Variants in RABGEF1 observed in about 807,000 individuals in gnomAD.
RABGEF1 encodes the protein RAB guanine nucleotide exchange factor 1.
A neutral mutation model predicts 57.3 loss-of-function variants in RABGEF1; 26 were observed. That is an observed-to-expected ratio of 0.45 (90% CI 0.33 to 0.63). RABGEF1 has a LOEUF of 0.63. Among genes scored for constraint, RABGEF1 ranks in the 20% least tolerant of loss-of-function variants. The pLI is 0.02. For missense variants in RABGEF1, 464 were observed against 607.6 expected, an observed-to-expected ratio of 0.76 and a Z score of 2.48; for synonymous variants, 185 against 210.7, an observed-to-expected ratio of 0.88 and a Z score of 1.06.
At chr7:66,792,743 G>A (rs1441538584) in intron 4 of RABGEF1, among the ~76,000 whole-genome samples, 1 of 152,154 alleles carries the variant, frequency 6.6e-6, no homozygotes, top group Non-Finnish European at 1.5e-5. Context: ...TATAAAGGGA[G>A]GAATGGTAAT....
At chr7:66,787,336 ATTTTTTT>A (rs973607816) in intron 4 of RABGEF1, among the ~76,000 whole-genome samples, 1 of 88,114 alleles carries the variant, frequency 1.1e-5, no homozygotes, top group Admixed American at 1.3e-4. Flanking sequence ...GCCTGGCCTG[ATTTTTTT>A]TTTTTTTTTT....
chr7:66,751,722 A>T (rs934576663), intron 1 of RABGEF1, among the ~76,000 whole-genome samples: 19 of 152,194 alleles, frequency 1.2e-4, no homozygotes, highest in African/African-American at 4.6e-4. Context: ...TTATACTGTC[A>T]TATTTGTCTC....
chr7:66,792,652 G>C (rs1812994407), intron 4 of RABGEF1, among the ~76,000 whole-genome samples: 1 of 152,186 alleles, frequency 6.6e-6, no homozygotes, highest in South Asian at 2.1e-4. Context: ...TCCTTGAAAA[G>C]ATGTTGCAAA....
At chr7:66,757,920 A>T (rs1583792405) in intron 1 of RABGEF1, among the ~76,000 whole-genome samples, 2 of 150,254 alleles carry the variant, frequency 1.3e-5, no homozygotes, top group South Asian at 2.1e-4. Flanking sequence ...CGACCAAAAC[A>T]TTTTTTTTTG....
the RABGEF1 span, among the ~76,000 whole-genome samples, chr7:66,657,770 G>A: frequency 1.1e-4 from 17 of 152,232 alleles, no homozygotes; most frequent in East Asian, 3.1e-3. Flanking sequence ...GCAGTGAGCC[G>A]AGATAGCACC....
intron 3 of RABGEF1, among the ~76,000 whole-genome samples, chr7:66,777,883 CCT>C (rs1808920770): frequency 6.6e-6 from 1 of 152,118 alleles, no homozygotes; most frequent in South Asian, 2.1e-4. Flanking sequence ...TCTTGTCTCC[CCT>C]CATCCCCCAT....
At chr7:66,692,661 G>C (rs1174249126) in intron 1 of RABGEF1, among the ~76,000 whole-genome samples, 1 of 152,166 alleles carries the variant, frequency 6.6e-6, no homozygotes, top group South Asian at 2.1e-4. Context: ...GGGAGTCAGA[G>C]GCCCTGGTCA....
intron 2 of RABGEF1, among the ~76,000 whole-genome samples, chr7:66,735,596 TG>T (rs34091698): frequency 3.3e-5 from 5 of 151,914 alleles, no homozygotes; most frequent in Admixed American, 1.3e-4. Context: ...AGGATCATTG[TG>T]GGGGGGGTTT....
At chr7:66,699,555 C>T (rs1792897323) in intron 1 of RABGEF1, among the ~76,000 whole-genome samples, 1 of 152,042 alleles carries the variant, frequency 6.6e-6, no homozygotes, top group Non-Finnish European at 1.5e-5. Context: ...AGCCGAGCGT[C>T]GTGGCAGGCA....
the RABGEF1 span, among the ~76,000 whole-genome samples, chr7:66,660,585 T>C: frequency 2.0e-5 from 3 of 147,130 alleles, no homozygotes; most frequent in Admixed American, 6.7e-5. Flanking sequence ...ACTTTCGGAG[T>C]GCACTCCATT....
intron 2 of RABGEF1, chr7:66,773,724 G>A (rs1373355713): frequency 2.2e-6 from 1 of 453,972 alleles, no homozygotes; most frequent in East Asian, 7.0e-5. Flanking sequence ...GGAGTGCAAT[G>A]GTGCAATTTC....
In RABGEF1 at chr7:66,809,240, G is replaced by A. The variant is rs778355553; in HGVS notation, c.1432G>A (p.Asp478Asn). 3.1e-6 allele frequency: 5 copies of A among 1,612,438 alleles called. No homozygotes were observed. Among genetic ancestry groups the A allele is most frequent in the Non-Finnish European group, 4.2e-6 (5 of 1,178,846 alleles). Residue 478 changes from aspartate (D) to asparagine (N), a missense_variant, in exon 9 of 9, where the codon GAT (aspartate) becomes AAT (asparagine). Asp to Asn is a conservative substitution (Grantham distance 23). Transcript: ENST00000284957. ...AAIDSENVEN[D>N]KLPPPLQPQV... ...TATTGACTCTGAAAACGTTGAAAAT[G>A]ATAAACTTCCTCCACCACTGCAACC...
intron 1 of RABGEF1, among the ~76,000 whole-genome samples, chr7:66,758,943 C>T (rs1803498762): frequency 6.6e-6 from 1 of 152,170 alleles, no homozygotes; most frequent in Non-Finnish European, 1.5e-5. Flanking sequence ...GCTGTAAATA[C>T]AGTACAGACA....
At chr7:66,787,385 C>T (rs1280862366) in intron 4 of RABGEF1, among the ~76,000 whole-genome samples, 26 of 147,260 alleles carry the variant, frequency 1.8e-4, no homozygotes, top group African/African-American at 6.6e-4. Flanking sequence ...GCTCTGTTGC[C>T]CAGGCTGTAG....
At chr7:66,726,032 C>A (rs1796546269) in intron 2 of RABGEF1, among the ~76,000 whole-genome samples, 1 of 152,206 alleles carries the variant, frequency 6.6e-6, no homozygotes. Flanking sequence ...CCTAAGGCAC[C>A]TTCAGCTCTC....
chr7:66,705,288 A>G (rs76532974), intron 1 of RABGEF1, among the ~76,000 whole-genome samples: 6,037 of 152,036 alleles, frequency 0.04, 400 homozygotes, highest in African/African-American at 0.14. Context: ...TGTCCCAAAA[A>G]TGAACATTTT....
intron 7 of RABGEF1, among the ~76,000 whole-genome samples, chr7:66,801,836 TG>T (rs1258298872): frequency 6.6e-6 from 1 of 152,206 alleles, no homozygotes; most frequent in African/African-American, 2.4e-5. Context: ...ATGGGGGCAG[TG>T]GTTCTTAGCC....
the RABGEF1 span, among the ~76,000 whole-genome samples, chr7:66,660,901 A>G: frequency 0.022 from 3,410 of 152,314 alleles, 57 homozygotes; most frequent in Middle Eastern, 0.044. Context: ...AATATTGCTT[A>G]TGAACATTGG....
Position 66,803,725 on chromosome 7 carries a change from C to T in RABGEF1, c.821-1415C>T, listed in dbSNP as rs113568748. Among the ~76,000 whole-genome samples the T allele has an allele frequency of 6.0e-4, 91 of 152,100 alleles. 1 individual carries two copies. The highest frequency in any genetic ancestry group is 2.1e-3 in the African/African-American group (86 of 41,484). ...CCAATATGGTGAAACCCCATCTCTA[C>T]TATAAATACAAAAATTAGCCGGGCG... On this transcript the variant is annotated intron_variant, in intron 7 of 8. Transcript: ENST00000284957.
Sources: gnomAD v4.1 joint callset for allele counts (sites outside exome capture counted in the v4.1 genomes callset) on GRCh38, gnomAD v4.1.1 for gene constraint, MANE v1.5 for transcripts, NCBI Gene and HGNC (gene_info 2026-07-23, HGNC 2026-07-21) for gene names.